ENAH: variants seen among roughly 807,000 people sequenced by gnomAD.
The protein encoded by ENAH is ENAH actin regulator.
ENAH carries 23 observed loss-of-function variants against 78.7 expected under a neutral mutation model. The ratio of observed to expected loss-of-function variants is 0.29; its 90% confidence interval spans 0.21 to 0.41. The LOEUF (loss-of-function observed/expected upper bound fraction) is 0.41, where lower values mean the gene tolerates loss of function less well. Among genes scored for constraint, ENAH ranks in the 10% least tolerant of loss-of-function variants. The pLI is 1.00. For synonymous variants in ENAH, 226 were observed against 241.0 expected, an observed-to-expected ratio of 0.94 and a Z score of 0.58; for missense variants, 544 against 691.0, an observed-to-expected ratio of 0.79 and a Z score of 2.39.
chr1:225,581,655 A>T (rs1337123343), intron 1 of ENAH, among the ~76,000 whole-genome samples: 1 of 151,952 alleles, frequency 6.6e-6, no homozygotes, highest in Non-Finnish European at 1.5e-5. Flanking sequence ...TTTCCAAATG[A>T]CCCTCCCATA....
chr1:225,540,137 G>C (rs1304608813), intron 3 of ENAH, among the ~76,000 whole-genome samples: 1 of 152,058 alleles, frequency 6.6e-6, no homozygotes, highest in Non-Finnish European at 1.5e-5. Flanking sequence ...CTTATATTTG[G>C]GTACAAAAGA....
chr1:225,601,717 T>G (rs894410425), intron 1 of ENAH, among the ~76,000 whole-genome samples: 1 of 152,096 alleles, frequency 6.6e-6, no homozygotes, highest in Non-Finnish European at 1.5e-5. Flanking sequence ...CAGATTATGT[T>G]CTGATATAAT....
intron 1 of ENAH, among the ~76,000 whole-genome samples, chr1:225,624,767 T>C (rs944185651): frequency 6.6e-6 from 1 of 152,192 alleles, no homozygotes; most frequent in Non-Finnish European, 1.5e-5. Context: ...AACACTGGAC[T>C]CTATCCACCG....
chr1:225,634,785 C>A (rs1023073893), intron 1 of ENAH, among the ~76,000 whole-genome samples: 1 of 152,128 alleles, frequency 6.6e-6, no homozygotes, highest in Non-Finnish European at 1.5e-5. Flanking sequence ...ATAGGTATGT[C>A]CTTACTATGC....
intron 1 of ENAH, among the ~76,000 whole-genome samples, chr1:225,577,798 G>A (rs576852477): frequency 1.2e-4 from 18 of 152,252 alleles, no homozygotes; most frequent in African/African-American, 4.1e-4. Flanking sequence ...AGGGGAAAAC[G>A]TTAAAGGTTA....
At chr1:225,612,864 T>A (rs1053089896) in intron 1 of ENAH, among the ~76,000 whole-genome samples, 2 of 150,084 alleles carry the variant, frequency 1.3e-5, no homozygotes, top group African/African-American at 2.4e-5. Context: ...GGAGGAGGGA[T>A]CTAAATGCCA....
At chr1:225,555,995 GCT>G (rs1234704583) in intron 2 of ENAH, among the ~76,000 whole-genome samples, 1 of 152,028 alleles carries the variant, frequency 6.6e-6, no homozygotes, top group East Asian at 1.9e-4. Flanking sequence ...AAACGTATCT[GCT>G]CTCTTATCCT....
Position 225,565,426 on chromosome 1 carries a change from ACT to A in ENAH, c.171+1821_171+1822del, listed in dbSNP as rs1259355131. Among the ~76,000 whole-genome samples, 4 of 135,092 alleles carry A rather than the reference ACT, an allele frequency of 3.0e-5. No individual in the cohort carries two copies. In the East Asian group the frequency reaches 6.5e-4, roughly 22 times the overall value. 88.6% of individuals were successfully genotyped at this position (135,092 alleles called of 152,430 possible). ...CTCCACCCTGGGCGACAAGAGCAAAACTCTGTCTCAAATAATAAAAAAAAAAA... is the reference window on the plus strand; with the variant it reads ...CTCCACCCTGGGCGACAAGAGCAAAACTGTCTCAAATAATAAAAAAAAAAA... On this transcript the variant is annotated intron_variant, in intron 2 of 13. Coordinates refer to ENST00000366843, the MANE Select transcript of ENAH (RefSeq NM_018212.6).
intron 1 of ENAH, among the ~76,000 whole-genome samples, chr1:225,611,264 G>A (rs2096987138): frequency 1.3e-5 from 2 of 152,044 alleles, no homozygotes; most frequent in African/African-American, 4.8e-5. Context: ...GGGAGTTCTA[G>A]ACCAGCCTGG....
intron 3 of ENAH, among the ~76,000 whole-genome samples, chr1:225,554,375 T>TA (rs1466696271): frequency 6.6e-6 from 1 of 152,146 alleles, no homozygotes; most frequent in Non-Finnish European, 1.5e-5. Flanking sequence ...CAATATGCAC[T>TA]ATCAGAGGAG....
intron 1 of ENAH, among the ~76,000 whole-genome samples, chr1:225,637,222 T>C (rs551138571): frequency 6.6e-6 from 1 of 152,318 alleles, no homozygotes; most frequent in East Asian, 1.9e-4. Flanking sequence ...TGTTGCTTGG[T>C]TGTGAGACAG....
At chr1:225,611,688 G>A (rs1274235267) in intron 1 of ENAH, among the ~76,000 whole-genome samples, 3 of 152,148 alleles carry the variant, frequency 2.0e-5, no homozygotes, top group Non-Finnish European at 4.4e-5. Context: ...TCAGGAGGCT[G>A]AGGTGGGAGG....
chr1:225,572,435 A>T (rs1047642561), intron 1 of ENAH, among the ~76,000 whole-genome samples: 3 of 152,210 alleles, frequency 2.0e-5, no homozygotes, highest in Non-Finnish European at 2.9e-5. Flanking sequence ...GAATCTAAAA[A>T]TAGGAATATT....
chr1:225,498,900 G>C (rs2151026866), intron 12 of ENAH, among the ~76,000 whole-genome samples: 1 of 152,290 alleles, frequency 6.6e-6, no homozygotes, highest in South Asian at 2.1e-4. Context: ...TTCCCTGAAG[G>C]GACCTCAGGG....
intron 3 of ENAH, 92 bp downstream of exon 3, chr1:225,554,814 T>C: frequency 1.8e-6 from 2 of 1,087,594 alleles, no homozygotes; most frequent in Non-Finnish European, 1.3e-6. Flanking sequence ...AACATACACA[T>C]GGCACTTCAG....
At chr1:225,618,339 G>C (rs1656178109) in intron 1 of ENAH, among the ~76,000 whole-genome samples, 1 of 152,150 alleles carries the variant, frequency 6.6e-6, no homozygotes, top group Non-Finnish European at 1.5e-5. Flanking sequence ...TATCCTGCCA[G>C]CAGCTCTTTA....
At chr1:225,615,592 A>T (rs1266327177) in intron 1 of ENAH, among the ~76,000 whole-genome samples, 1 of 145,998 alleles carries the variant, frequency 6.8e-6, no homozygotes, top group African/African-American at 2.6e-5. Context: ...CCGTCTGGGA[A>T]GTGAGGAGCG....
At chr1:225,652,239 C>T (rs918178492) in intron 1 of ENAH, 68 of 779,134 alleles carry the variant, frequency 8.7e-5, no homozygotes, top group Non-Finnish European at 9.4e-5. Flanking sequence ...ACCTTTCAAA[C>T]TTTTCTTCCT....
chr1:225,595,533 A>AC (rs2096898391), intron 1 of ENAH, among the ~76,000 whole-genome samples: 1 of 152,112 alleles, frequency 6.6e-6, no homozygotes, highest in African/African-American at 2.4e-5. Context: ...GGTGCCTAAA[A>AC]CAAGGGCAGG....
Sources: allele counts gnomAD v4.1 joint callset (sites outside exome capture counted in the v4.1 genomes callset), GRCh38; gene constraint gnomAD v4.1.1; transcripts MANE v1.5; gene names NCBI Gene and HGNC (gene_info 2026-07-23, HGNC 2026-07-21).